ABCA4: variants seen among roughly 807,000 people sequenced by gnomAD.
ABCA4 encodes ATP binding cassette subfamily A member 4.
In ABCA4, 196 loss-of-function variants were observed where a neutral mutation model predicts 263.7. The observed-to-expected ratio is 0.74, with a 90% CI of 0.66 to 0.84. ABCA4 has a LOEUF of 0.84. ABCA4 is among the 40% of genes least tolerant of loss of function. The pLI is 0.00. For synonymous variants in ABCA4, 1,133 were observed against 1,094.2 expected (o/e 1.04, Z -0.70); for missense variants, 2,792 against 2,855.1 (o/e 0.98, Z 0.50).
At chr1:94,061,601 T>G (rs1470435235) in intron 13 of ABCA4, among the ~76,000 whole-genome samples, 1 of 152,218 alleles carries the variant, frequency 6.6e-6, no homozygotes, top group African/African-American at 2.4e-5. Flanking sequence ...CTTCTGGGAC[T>G]AGCCACCAGA....
chr1:94,034,394 C>G (rs1242097687), intron 26 of ABCA4, among the ~76,000 whole-genome samples: 1 of 151,968 alleles, frequency 6.6e-6, no homozygotes, highest in African/African-American at 2.4e-5. Flanking sequence ...ATGTTGATCC[C>G]TTCGTTCAGT....
At chr1:94,094,234 C>T (rs547190857) in intron 6 of ABCA4, among the ~76,000 whole-genome samples, 1 of 152,274 alleles carries the variant, frequency 6.6e-6, no homozygotes, top group East Asian at 1.9e-4. Context: ...AGGAGAGCAG[C>T]AACTGTGGCA....
intron 3 of ABCA4, among the ~76,000 whole-genome samples, chr1:94,110,610 C>G (rs1662576266): frequency 6.6e-6 from 1 of 152,220 alleles, no homozygotes; most frequent in Non-Finnish European, 1.5e-5. Context: ...TGTCCACACC[C>G]TAAGCCTCTG....
chr1:94,070,003 C>T (rs1391747849), intron 11 of ABCA4, among the ~76,000 whole-genome samples: 6 of 152,336 alleles, frequency 3.9e-5, no homozygotes, highest in East Asian at 1.9e-4. Flanking sequence ...GTAATGCCTG[C>T]GTCTAACTGG....
intron 6 of ABCA4, among the ~76,000 whole-genome samples, chr1:94,089,470 A>T (rs1044044211): frequency 2.1e-5 from 3 of 141,772 alleles, no homozygotes; most frequent in East Asian, 4.1e-4. Context: ...TTTCTTTTCT[A>T]TTTTTTTTTT....
intron 37 of ABCA4, 92 bp from the exon 38 acceptor site, chr1:94,014,782 A>C: frequency 6.5e-7 from 1 of 1,539,008 alleles, no homozygotes; most frequent in Non-Finnish European, 9.0e-7. Context: ...CTTACACCTG[A>C]GGTGATGTGT....
intron 1 of ABCA4, among the ~76,000 whole-genome samples, chr1:94,120,036 A>T (rs1039468640): frequency 6.6e-6 from 1 of 151,856 alleles, no homozygotes. Context: ...CGGCATTTGC[A>T]CAACTCTGCA....
At chr1:94,069,869 G>T (rs746803212) in intron 11 of ABCA4, among the ~76,000 whole-genome samples, 3 of 151,836 alleles carry the variant, frequency 2.0e-5, no homozygotes, top group Admixed American at 6.6e-5. Context: ...GAAAACAAAG[G>T]GACAGGAAAT....
intron 1 of ABCA4, among the ~76,000 whole-genome samples, chr1:94,119,423 G>T (rs556378155): frequency 6.6e-6 from 1 of 152,150 alleles, no homozygotes; most frequent in African/African-American, 2.4e-5. Flanking sequence ...CCATCCATGC[G>T]CATGGTTGAA....
At chr1:94,057,503 T>A (rs1338384148) in intron 14 of ABCA4, among the ~76,000 whole-genome samples, 1 of 152,188 alleles carries the variant, frequency 6.6e-6, no homozygotes, top group Non-Finnish European at 1.5e-5. Flanking sequence ...AGCTTCAACA[T>A]TTTGCCTGGG....
At position 94,078,611 on chromosome 1, in the gene ABCA4, G is replaced by C. The variant is rs61748552; in HGVS notation, c.1335C>G (p.Ser445Arg). ...TTACTCTGATCATGTTCATCTGTGT[G>C]CTGTTGTCAAAGAAGTACCAGATCT... is the stretch of plus-strand genomic sequence containing the variant. ...GPQIWYFFDN[S>R]TQMNMIRDTL... is the part of the protein sequence containing the mutation. Residue 445 changes from serine (S) to arginine (R), a missense_variant, in exon 10 of 50, where the codon AGC (serine) becomes AGG (arginine). Coordinates refer to ENST00000370225, the MANE Select transcript of ABCA4 (RefSeq NM_000350.3). 45 of 1,461,526 alleles carry C rather than the reference G, an allele frequency of 3.1e-5. No individual in the cohort carries two copies. Among genetic ancestry groups the C allele is most frequent in the Non-Finnish European group, 4.2e-5 (45 of 1,083,392 alleles). The allele number at this position is 1,461,526 out of a possible 1,614,324, so 90.5% of individuals were successfully genotyped here.
At position 94,111,482 on chromosome 1, in the gene ABCA4, GGT is replaced by G. The variant is rs1557809596; in HGVS notation, c.256_257del (p.Thr86ProfsTer12). On this transcript the variant is annotated frameshift_variant, in exon 3 of 50. Coordinates refer to ENST00000370225, the MANE Select transcript of ABCA4 (RefSeq NM_000350.3). LOFTEE classifies it high-confidence loss of function. ...NVNNPCFQSP[T>X]PGESPGIVSN... ...ACACAATTCCAGGAGATTCTCCTGG[GGT>G]GGGGCTTTGAAAACAGGGATTGTTC... is the stretch of plus-strand genomic sequence containing the variant. 1 of 1,614,140 alleles carries G rather than the reference GGT, an allele frequency of 6.2e-7. No individual in the cohort carries two copies. The highest frequency in any genetic ancestry group is 8.5e-7 in the Non-Finnish European group (1 of 1,179,998).
chr1:94,004,968 C>T (rs1659331322), intron 44 of ABCA4, among the ~76,000 whole-genome samples: 1 of 152,216 alleles, frequency 6.6e-6, no homozygotes, highest in African/African-American at 2.4e-5. Context: ...CTGGAAATAT[C>T]TCCATATCAG....
chr1:94,038,708 G>A (rs752989034), intron 24 of ABCA4, among the ~76,000 whole-genome samples: 2 of 152,176 alleles, frequency 1.3e-5, no homozygotes, highest in Non-Finnish European at 2.9e-5. Context: ...AAAGCTGCTG[G>A]ATTCCCAGGA....
intron 43 of ABCA4, among the ~76,000 whole-genome samples, chr1:94,007,402 T>G (rs1347536348): frequency 6.6e-6 from 1 of 152,216 alleles, no homozygotes; most frequent in African/African-American, 2.4e-5. Flanking sequence ...CCCAGGTCTT[T>G]CCAAGAATCC....
At chr1:94,046,690 G>A (rs979887312) in intron 19 of ABCA4, among the ~76,000 whole-genome samples, 2 of 152,124 alleles carry the variant, frequency 1.3e-5, no homozygotes, top group African/African-American at 4.8e-5. Flanking sequence ...CTGAATGAAT[G>A]TCCACTTCCC....
At chr1:94,042,112 A>AG (rs1296347777) in intron 22 of ABCA4, among the ~76,000 whole-genome samples, 2 of 151,620 alleles carry the variant, frequency 1.3e-5, no homozygotes, top group Admixed American at 6.6e-5. Flanking sequence ...AAAAAAAAAA[A>AG]AAAAAAAAGA....
At chr1:94,120,036 A>G (rs1039468640) in intron 1 of ABCA4, among the ~76,000 whole-genome samples, 4 of 151,856 alleles carry the variant, frequency 2.6e-5, no homozygotes, top group Non-Finnish European at 5.9e-5. Context: ...CGGCATTTGC[A>G]CAACTCTGCA....
At chr1:94,120,887 G>GCCCCCCCCC in intron 1 of ABCA4, 93 bp downstream of exon 1, 2 of 339,358 alleles carry the variant, frequency 5.9e-6, no homozygotes, top group South Asian at 3.0e-5. Context: ...CCCCCACCCT[G>GCCCCCCCCC]CCCCACCACC....
Sources: gnomAD v4.1 joint callset for allele counts (sites outside exome capture counted in the v4.1 genomes callset) on GRCh38, gnomAD v4.1.1 for gene constraint, MANE v1.5 for transcripts, NCBI Gene and HGNC (gene_info 2026-07-23, HGNC 2026-07-21) for gene names.